Variants in CENPP observed in about 807,000 individuals in gnomAD.
CENPP encodes centromere protein P.
CENPP carries 24 observed loss-of-function variants against 35.6 expected under a neutral mutation model. The observed-to-expected ratio is 0.67, with a 90% CI of 0.49 to 0.95. The LOEUF (loss-of-function observed/expected upper bound fraction) is 0.95, where lower values mean the gene tolerates loss of function less well. Ranked by LOEUF, CENPP falls within the 40% of genes least tolerant of loss-of-function variation. The probability of loss-of-function intolerance (pLI) is 0.00; values close to 1 mark genes in which losing one functional copy is unlikely to be tolerated. For synonymous variants in CENPP, 120 were observed against 125.5 expected (o/e 0.96, Z 0.29); for missense variants, 332 against 345.3 (o/e 0.96, Z 0.31).
At chr9:92,495,395 T>C in intron 5 of CENPP, 1 of 984,642 alleles carries the variant, frequency 1.0e-6, no homozygotes, top group Middle Eastern at 5.2e-4. Context: ...TTGAACCGAA[T>C]AAAATGATGT....
At chr9:92,460,938 T>C (rs7860774) in intron 5 of CENPP, among the ~76,000 whole-genome samples, 61,604 of 152,048 alleles carry the variant, frequency 0.41, 14,581 homozygotes, top group African/African-American at 0.65. Context: ...CTCGGCCTCC[T>C]AAAGTGCTGG....
chr9:92,523,606 C>T (rs1461619475), intron 5 of CENPP, among the ~76,000 whole-genome samples: 1 of 152,104 alleles, frequency 6.6e-6, no homozygotes, highest in Non-Finnish European at 1.5e-5. Flanking sequence ...ATGTTTAGGG[C>T]GAAACAGTGA....
intron 5 of CENPP, among the ~76,000 whole-genome samples, chr9:92,419,575 G>A (rs1351630098): frequency 5.3e-5 from 8 of 152,100 alleles, no homozygotes; most frequent in East Asian, 3.9e-4. Flanking sequence ...CTGGGATTAC[G>A]GGCGTGAGCC....
At chr9:92,336,560 C>A (rs1052465030) in intron 2 of CENPP, among the ~76,000 whole-genome samples, 1 of 152,148 alleles carries the variant, frequency 6.6e-6, no homozygotes, top group African/African-American at 2.4e-5. Flanking sequence ...TTGCTCTTAT[C>A]TTCCCTGTTC....
At position 92,619,617 on chromosome 9, in the gene CENPP, C is replaced by T; in HGVS notation, c.*6468C>T. 2.1e-6 allele frequency: 3 copies of T among 1,454,742 alleles called. No homozygotes were observed. Among genetic ancestry groups the T allele is most frequent in the East Asian group, 2.5e-5 (1 of 40,632 alleles). The allele number at this position is 1,454,742 out of a possible 1,614,324, so 90.1% of individuals were successfully genotyped here. A position where few individuals can be genotyped will look rare whatever the true frequency, so the allele number is the denominator to read the frequency against. On this transcript the variant is annotated 3_prime_UTR_variant, in exon 8 of 8. Transcript: ENST00000375587. ...AGGTCACACAGGAAGCCTCTGCCCC[C>T]CCACACAACCTTCCTTCCCAGTAGC...
chr9:92,367,151 GTTTAT>G (rs915372349), intron 4 of CENPP, among the ~76,000 whole-genome samples: 16 of 152,124 alleles, frequency 1.1e-4, no homozygotes, highest in African/African-American at 3.6e-4. Context: ...TGGAGGAAAC[GTTTAT>G]TTTATTTTTA....
At chr9:92,588,155 A>G (rs1012972176) in intron 5 of CENPP, among the ~76,000 whole-genome samples, 4 of 140,450 alleles carry the variant, frequency 2.8e-5, no homozygotes, top group Middle Eastern at 3.7e-3. Context: ...ATAAAATAAA[A>G]TAGTTACTTT....
chr9:92,612,903 C>T (rs1016456355), intron 7 of CENPP, 116 bp from the exon 8 acceptor site: 1 of 1,221,046 alleles, frequency 8.2e-7, no homozygotes, highest in Non-Finnish European at 1.2e-6. Context: ...ATGTCCCATC[C>T]CATGCAGCTA....
At chr9:92,340,152 A>G (rs1841065886) in intron 3 of CENPP, 1 of 153,372 alleles carries the variant, frequency 6.5e-6, no homozygotes, top group Non-Finnish European at 1.5e-5. Flanking sequence ...CATCTCTTTC[A>G]CAGTTGCCTC....
At chr9:92,472,069 T>C (rs1335397997) in intron 5 of CENPP, among the ~76,000 whole-genome samples, 1 of 152,198 alleles carries the variant, frequency 6.6e-6, no homozygotes, top group Admixed American at 6.5e-5. Flanking sequence ...ACTTTAAAAT[T>C]GGTCAGGCAT....
At position 92,593,649 on chromosome 9, in the gene CENPP, C is replaced by A. The variant is rs553436708; in HGVS notation, c.565-17665C>A. Among the ~76,000 whole-genome samples the A allele has an allele frequency of 6.6e-6, 1 of 152,226 alleles. No individual in the cohort carries two copies. Among genetic ancestry groups the A allele is most frequent in the Non-Finnish European group, 1.5e-5 (1 of 68,042 alleles). ...GCCCATAATAAGCTGGTTCCTTCCT[C>A]CTGCCTGGGCCAACAATGAAAGCGA... On this transcript the variant is annotated intron_variant, in intron 5 of 7. Coordinates refer to ENST00000375587, the MANE Select transcript of CENPP (RefSeq NM_001012267.3). This position sits in a 1 kb window ranked among gnomAD's most constrained non-coding sequence, Gnocchi z 4.1.
At chr9:92,353,310 A>G (rs1025719748) in intron 4 of CENPP, among the ~76,000 whole-genome samples, 7 of 152,004 alleles carry the variant, frequency 4.6e-5, no homozygotes, top group South Asian at 2.1e-4. Context: ...ACTACCCATT[A>G]TGTATTCCCT....
intron 5 of CENPP, among the ~76,000 whole-genome samples, chr9:92,436,640 G>A (rs1294649884): frequency 6.6e-6 from 1 of 152,104 alleles, no homozygotes; most frequent in African/African-American, 2.4e-5. Context: ...TTAAAAGACT[G>A]TCTTTCCTTC....
At chr9:92,460,056 CTTTTTTTTTT>C (rs869237016) in intron 5 of CENPP, among the ~76,000 whole-genome samples, 1 of 109,578 alleles carries the variant, frequency 9.1e-6, no homozygotes. Flanking sequence ...AACGGTGGTT[CTTTTTTTTTT>C]TTTTTTTTTT....
intron 5 of CENPP, among the ~76,000 whole-genome samples, chr9:92,587,732 C>A (rs756114603): frequency 6.6e-6 from 1 of 152,116 alleles, no homozygotes; most frequent in African/African-American, 2.4e-5. Context: ...TTAGTGGGAA[C>A]CACTTTTATT....
intron 5 of CENPP, chr9:92,474,816 T>G (rs1845657560): frequency 6.2e-7 from 1 of 1,614,012 alleles, no homozygotes. Context: ...AGCATCATAT[T>G]CTTCAGTGCG....
chr9:92,444,795 T>C (rs1031593043), intron 5 of CENPP, among the ~76,000 whole-genome samples: 5 of 152,138 alleles, frequency 3.3e-5, no homozygotes, highest in Admixed American at 6.5e-5. Context: ...AGCTGGTGCA[T>C]GTCAGCAGTG....
intron 5 of CENPP, among the ~76,000 whole-genome samples, chr9:92,430,977 G>C (rs868610059): frequency 6.6e-6 from 1 of 151,966 alleles, no homozygotes; most frequent in African/African-American, 2.4e-5. Flanking sequence ...TGTATTTTTA[G>C]TAGAGACAGG....
At chr9:92,465,082 A>G in intron 5 of CENPP, 1 of 1,216,382 alleles carries the variant, frequency 8.2e-7, no homozygotes, top group Non-Finnish European at 1.2e-6. Flanking sequence ...TATAAAGGAA[A>G]CTCACAGTGC....
Sources: gnomAD v4.1 joint callset for allele counts (sites outside exome capture counted in the v4.1 genomes callset) on GRCh38, gnomAD v4.1.1 for gene constraint, Gnocchi (gnomAD v3.1) non-coding constraint, MANE v1.5 for transcripts, NCBI Gene and HGNC (gene_info 2026-07-23, HGNC 2026-07-21) for gene names.